The following LIG3 variants were observed in gnomAD, a reference collection of about 807,000 sequenced individuals.
LIG3 encodes the protein ligase II, DNA, ATP-dependent.
LIG3 carries 58 observed loss-of-function variants against 110.9 expected under a neutral mutation model. That is an observed-to-expected ratio of 0.52 (90% CI 0.42 to 0.65). The LOEUF (loss-of-function observed/expected upper bound fraction) is 0.65. Ranked by LOEUF, LIG3 falls within the 30% of genes least tolerant of loss-of-function variation. The pLI, the probability that LIG3 is intolerant of heterozygous loss-of-function variation, is 0.00. For synonymous variants in LIG3, 422 were observed against 472.8 expected (o/e 0.89, Z 1.39); for missense variants, 1,094 against 1,273.8 (o/e 0.86, Z 2.15).
chr17:34,986,042 A>G lies in LIG3; in HGVS notation c.602A>G (p.Lys201Arg), dbSNP rs765458954. The G allele has an allele frequency of 4.3e-6, 7 of 1,614,004 alleles. No individual in the cohort carries two copies. In the African/African-American group the frequency reaches 5.3e-5, roughly 12 times the overall value. ...TPKKKAVVQAKLTTTGQVTSP... is the reference protein window; with the variant it reads ...TPKKKAVVQARLTTTGQVTSP... ...AAGAAGAAAGCTGTTGTCCAGGCTA[A>G]GTTGACAACCACTGGCCAGGTGACT... Residue 201 changes from lysine to arginine, a missense_variant, in exon 3 of 20, where the codon AAG becomes AGG. Coordinates refer to ENST00000378526, the MANE Select transcript of LIG3 (RefSeq NM_013975.4).
chr17:34,982,011 C>G (rs921441727), intron 1 of LIG3, among the ~76,000 whole-genome samples: 1 of 152,180 alleles, frequency 6.6e-6, no homozygotes, highest in African/African-American at 2.4e-5. Context: ...ATAATAGGAG[C>G]TGACGTTAAT....
intron 2 of LIG3, 45 bp from the exon 3 acceptor site, chr17:34,985,943 G>A: frequency 6.3e-7 from 1 of 1,590,146 alleles, no homozygotes; most frequent in Non-Finnish European, 8.6e-7. Flanking sequence ...TTTTTTCAGA[G>A]ATCGTTCACT....
chr17:35,001,465 G>A (rs1016646378), intron 17 of LIG3, 62 bp downstream of exon 17: 55 of 1,516,088 alleles, frequency 3.6e-5, no homozygotes, highest in Non-Finnish European at 4.7e-5. Context: ...GGAGCCTTGG[G>A]CATCTAGACC....
intron 17 of LIG3, 111 bp from the exon 18 acceptor site, chr17:35,001,798 C>A: frequency 1.0e-6 from 1 of 963,030 alleles, no homozygotes; most frequent in Non-Finnish European, 1.5e-6. Flanking sequence ...TGCTCTTTAT[C>A]TTTCTCACAT....
intron 19 of LIG3, 28 bp downstream of exon 19, chr17:35,002,817 G>C (rs3136028): frequency 6.3e-7 from 1 of 1,579,394 alleles, no homozygotes; most frequent in East Asian, 2.2e-5. Context: ...AACACACCAC[G>C]TGGGCCAGTT....
intron 14 of LIG3, 23 bp downstream of exon 14, chr17:34,998,750 G>A: frequency 6.2e-7 from 1 of 1,610,128 alleles, no homozygotes; most frequent in Non-Finnish European, 8.5e-7. Flanking sequence ...TCTGCCCCCT[G>A]GGGTGGTACT....
chr17:35,003,086 A>G, intron 19 of LIG3: 1 of 1,613,524 alleles, frequency 6.2e-7, no homozygotes, highest in Non-Finnish European at 8.5e-7. Flanking sequence ...GCAGGGACTC[A>G]CTCAGCTGCT....
At chr17:34,984,859 C>T (rs1216106561) in intron 2 of LIG3, among the ~76,000 whole-genome samples, 6 of 151,788 alleles carry the variant, frequency 4.0e-5, no homozygotes, top group Non-Finnish European at 5.9e-5. Flanking sequence ...CTCACTGCAA[C>T]CTCTGCCTTC....
At position 34,994,298 on chromosome 17, in the gene LIG3, A is replaced by T. The variant is rs771709708; in HGVS notation, c.1478A>T (p.Glu493Val). ...AAGGCGGAGGCCTGCAAGTCCGTTG[A>T]GTATGCAATGAAGAAATGTCCCAAT... ...PMLAEACKSV[E>V]YAMKKCPNGM... is the part of the protein sequence containing the mutation. The change falls in exon 9 of 20, where the codon GAG (glutamate) becomes GTG (valine). Residue 493 changes from glutamate to valine, a missense_variant. Coordinates refer to ENST00000378526, the MANE Select transcript of LIG3 (RefSeq NM_013975.4). The T allele has an allele frequency of 6.8e-6, 11 of 1,613,606 alleles. No homozygotes were observed. Among genetic ancestry groups the T allele is most frequent in the Non-Finnish European group, 9.3e-6 (11 of 1,179,950 alleles).
intron 14 of LIG3, 124 bp from the exon 15 acceptor site, chr17:34,999,183 G>C: frequency 9.2e-7 from 1 of 1,087,120 alleles, no homozygotes; most frequent in Non-Finnish European, 1.3e-6. Context: ...GTAAGAGGTA[G>C]CTCCAAGAGG....
intron 11 of LIG3, 108 bp from the exon 12 acceptor site, chr17:34,997,630 A>C (rs1050447773): frequency 1.2e-6 from 1 of 808,966 alleles, no homozygotes; most frequent in Non-Finnish European, 2.2e-6. Context: ...ATCCATGGCA[A>C]ACCCTTTCTT....
chr17:34,987,127 C>T (rs577163222), intron 3 of LIG3, among the ~76,000 whole-genome samples: 1 of 152,284 alleles, frequency 6.6e-6, no homozygotes, highest in Admixed American at 6.5e-5. Flanking sequence ...CGTGTATACA[C>T]ACATATATAG....
chr17:35,001,876 G>T, intron 17 of LIG3, 33 bp from the exon 18 acceptor site: 1 of 1,589,746 alleles, frequency 6.3e-7, no homozygotes, highest in Admixed American at 1.9e-5. Flanking sequence ...GGAAGGCAAT[G>T]AAACCCTCTG....
At chr17:34,999,689 T>G (rs1458859635) in intron 15 of LIG3, 93 bp from the exon 16 acceptor site, 7 of 1,264,708 alleles carry the variant, frequency 5.5e-6, no homozygotes, top group Non-Finnish European at 8.1e-6. Context: ...ATCAGCTGTT[T>G]AAGTGGCTTC....
intron 1 of LIG3, 49 bp from the exon 2 acceptor site, chr17:34,982,953 T>G: frequency 6.9e-7 from 1 of 1,441,194 alleles, no homozygotes; most frequent in Non-Finnish European, 9.3e-7. Context: ...GCCTATCTCC[T>G]TGTTTATATC....
chr17:34,984,781 CTTT>C (rs35202391), intron 2 of LIG3, among the ~76,000 whole-genome samples: 3 of 139,070 alleles, frequency 2.2e-5, no homozygotes, highest in Non-Finnish European at 1.6e-5. Flanking sequence ...TCTGTTTCTT[CTTT>C]TTTTTTTTTT....
rs745832766 is a variant in LIG3, at chr17:35,005,640, AT to A, written c.*1142del. 72 of 572,828 alleles carry A rather than the reference AT, an allele frequency of 1.3e-4. No individual in the cohort carries two copies. In the Middle Eastern group the frequency reaches 2.3e-3, roughly 19 times the overall value. The allele number at this position is 572,828 out of a possible 1,614,324, so 35.5% of individuals were successfully genotyped here. On this transcript the variant is annotated 3_prime_UTR_variant, in exon 20 of 20. Coordinates refer to ENST00000378526, the MANE Select transcript of LIG3 (RefSeq NM_013975.4). ...CACCAAATATCCCAAAACTCAATCG[AT>A]TTTTTTTCTTCTATTCATTGGATTC...
chr17:34,990,204 G>A (rs551237042), intron 4 of LIG3, among the ~76,000 whole-genome samples: 33 of 152,276 alleles, frequency 2.2e-4, no homozygotes, highest in African/African-American at 7.2e-4. Flanking sequence ...CTACTATAGC[G>A]ATATGCACAG....
At chr17:35,004,122 G>A (rs544401560) in intron 19 of LIG3, 151 bp from the exon 20 acceptor site, 1 of 622,278 alleles carries the variant, frequency 1.6e-6, no homozygotes, top group African/African-American at 1.8e-5. Flanking sequence ...GTGACTGGAG[G>A]GGTGGGGGTA....
Sources: gnomAD v4.1 joint callset for allele counts (sites outside exome capture counted in the v4.1 genomes callset) on GRCh38, gnomAD v4.1.1 for gene constraint, MANE v1.5 for transcripts, NCBI Gene and HGNC (gene_info 2026-07-23, HGNC 2026-07-21) for gene names.